MAGI1: variants seen among roughly 807,000 people sequenced by gnomAD.
MAGI1 encodes the protein membrane associated guanylate kinase, WW and PDZ domain containing 1, also known as membrane-associated guanylate kinase, WW and PDZ domain-containing protein 1.
Under a neutral mutation model 139.9 loss-of-function variants are expected in MAGI1, and 58 were observed. The ratio of observed to expected loss-of-function variants is 0.41; its 90% CI spans 0.34 to 0.52. The LOEUF is 0.52. Ranked by LOEUF, MAGI1 falls within the 20% of genes least tolerant of loss-of-function variation. The pLI is 0.12. For synonymous variants in MAGI1, 812 were observed against 737.9 expected, an observed-to-expected ratio of 1.10 and a Z score of -1.63; for missense variants, 1,874 against 1,901.6, an observed-to-expected ratio of 0.99 and a Z score of 0.27.
At chr3:65,797,408 A>C (rs747484915) in intron 1 of MAGI1, among the ~76,000 whole-genome samples, 8 of 152,210 alleles carry the variant, frequency 5.3e-5, no homozygotes, top group Non-Finnish European at 1.2e-4. Context: ...CTGATTAAAT[A>C]GATTTAAAAT....
chr3:65,377,700 C>A (rs1416821207), intron 17 of MAGI1, among the ~76,000 whole-genome samples: 2 of 152,146 alleles, frequency 1.3e-5, no homozygotes, highest in African/African-American at 4.8e-5. Flanking sequence ...AATTTTAAAA[C>A]AAAACCAAAA....
chr3:65,982,440 C>T (rs1478941503), intron 1 of MAGI1, among the ~76,000 whole-genome samples: 3 of 152,206 alleles, frequency 2.0e-5, no homozygotes, highest in Non-Finnish European at 4.4e-5. Context: ...TCATGCCATC[C>T]ACCCTGAGCA....
intron 11 of MAGI1, 118 bp downstream of exon 11, chr3:65,430,581 A>G: frequency 3.9e-6 from 4 of 1,029,432 alleles, no homozygotes; most frequent in Non-Finnish European, 5.7e-6. Context: ...AGCTGTAAAC[A>G]TGTGCAATCA....
chr3:65,470,241 G>A (rs765973071), intron 5 of MAGI1, 42 bp downstream of exon 5: 2 of 1,416,002 alleles, frequency 1.4e-6, no homozygotes, highest in Non-Finnish European at 2.0e-6. Flanking sequence ...GAAGGGAAAA[G>A]AAAGAGAGAG....
chr3:65,562,819 T>A (rs1168797050), intron 2 of MAGI1, among the ~76,000 whole-genome samples: 1 of 152,338 alleles, frequency 6.6e-6, no homozygotes, highest in Admixed American at 6.5e-5. Flanking sequence ...AGAAATCATA[T>A]AAAATTATTC....
chr3:66,022,113 C>CA (rs921925799), intron 1 of MAGI1, among the ~76,000 whole-genome samples: 44 of 151,712 alleles, frequency 2.9e-4, no homozygotes, highest in Middle Eastern at 3.4e-3. Context: ...CTCCTTCCAC[C>CA]AAAAAAAAGC....
At chr3:65,777,087 T>A (rs550508006) in intron 1 of MAGI1, among the ~76,000 whole-genome samples, 1 of 152,196 alleles carries the variant, frequency 6.6e-6, no homozygotes, top group Non-Finnish European at 1.5e-5. Context: ...AGTGAGCATG[T>A]GCAAGGATAA....
intron 1 of MAGI1, among the ~76,000 whole-genome samples, chr3:65,852,894 C>T (rs1483788089): frequency 6.7e-6 from 1 of 150,368 alleles, no homozygotes; most frequent in African/African-American, 2.4e-5. Flanking sequence ...CCAGCACTTT[C>T]GGAAGCCGAG....
chr3:65,820,298 C>G (rs929798946), intron 1 of MAGI1, among the ~76,000 whole-genome samples: 4 of 152,148 alleles, frequency 2.6e-5, no homozygotes, highest in African/African-American at 9.7e-5. Flanking sequence ...TGCTTTTCTG[C>G]TACAGTTTTA....
In MAGI1 at chr3:65,356,529, C is replaced by G; in HGVS notation, c.4238G>C (p.Arg1413Pro). 1.9e-6 allele frequency: 3 copies of G among 1,610,638 alleles called. No individual in the cohort carries two copies. Among genetic ancestry groups the G allele is most frequent in the Non-Finnish European group, 2.5e-6 (3 of 1,179,916 alleles). ...RARSPERRRE[R>P]SLDKRNREDR... ...CTCTCTGTTCCTTTTGTCCAGGGAC[C>G]GCTCTCTCCTGCGCTCGGGGGAGCG... The change falls in exon 23 of 23, where the codon CGG (arginine) becomes CCG (proline). Residue 1413 changes from arginine (R) to proline (P), a missense_variant. Arg to Pro is a moderately radical substitution (Grantham distance 103). Coordinates refer to ENST00000402939, the MANE Select transcript of MAGI1 (RefSeq NM_001033057.2).
At chr3:65,372,501 G>C (rs1320116259) in intron 18 of MAGI1, among the ~76,000 whole-genome samples, 1 of 152,196 alleles carries the variant, frequency 6.6e-6, no homozygotes, top group Non-Finnish European at 1.5e-5. Context: ...AGCCAGATGA[G>C]CACTGGCTTC....
At chr3:65,511,018 G>C (rs1465599086) in intron 2 of MAGI1, among the ~76,000 whole-genome samples, 1 of 145,110 alleles carries the variant, frequency 6.9e-6, no homozygotes, top group East Asian at 2.2e-4. Context: ...TTAAAGAAAA[G>C]AATTTTCAAC....
intron 1 of MAGI1, among the ~76,000 whole-genome samples, chr3:65,812,138 G>A (rs1277573278): frequency 1.3e-5 from 2 of 151,974 alleles, no homozygotes; most frequent in Non-Finnish European, 1.5e-5. Context: ...CTCAGGAAAT[G>A]CTTTTTCCCA....
intron 12 of MAGI1, among the ~76,000 whole-genome samples, chr3:65,419,231 C>CACACACACAT (rs1553641824): frequency 6.0e-5 from 9 of 150,886 alleles, no homozygotes; most frequent in East Asian, 2.0e-4. Context: ...TACACACACA[C>CACACACACAT]ACACACACAC....
intron 14 of MAGI1, among the ~76,000 whole-genome samples, chr3:65,387,463 C>A (rs1241574622): frequency 6.6e-6 from 1 of 151,550 alleles, no homozygotes; most frequent in African/African-American, 2.4e-5. Context: ...TCCTATAACT[C>A]CTATTACTAT....
chr3:66,031,697 A>G (rs1165622767), intron 1 of MAGI1, among the ~76,000 whole-genome samples: 8 of 152,184 alleles, frequency 5.3e-5, no homozygotes, highest in African/African-American at 1.7e-4. Flanking sequence ...TTAAAAAAAA[A>G]AAGACATAAA....
At chr3:65,777,148 T>C (rs566872555) in intron 1 of MAGI1, among the ~76,000 whole-genome samples, 119 of 152,340 alleles carry the variant, frequency 7.8e-4, no homozygotes, top group African/African-American at 2.5e-3. Flanking sequence ...CTTTCTGGAT[T>C]CTAAAATTAT....
At chr3:65,768,556 T>A (rs1178854195) in intron 1 of MAGI1, among the ~76,000 whole-genome samples, 1 of 152,234 alleles carries the variant, frequency 6.6e-6, no homozygotes, top group Non-Finnish European at 1.5e-5. Context: ...ATAAGACTAT[T>A]GAAATCAAAT....
At chr3:65,427,635 T>C (rs1370670852) in intron 12 of MAGI1, among the ~76,000 whole-genome samples, 1 of 152,168 alleles carries the variant, frequency 6.6e-6, no homozygotes, top group African/African-American at 2.4e-5. Context: ...TAAGCAACTA[T>C]ACAAAAATCA....
Sources: allele counts gnomAD v4.1 joint callset (sites outside exome capture counted in the v4.1 genomes callset), GRCh38; gene constraint gnomAD v4.1.1; transcripts MANE v1.5; gene names NCBI Gene and HGNC (gene_info 2026-07-23, HGNC 2026-07-21).